Variants in OR5T2 observed in about 807,000 individuals in gnomAD.
OR5T2 encodes the protein olfactory receptor family 5 subfamily T member 2.
Under a neutral mutation model 13.7 loss-of-function variants are expected in OR5T2, and 12 were observed. The observed-to-expected ratio is 0.88, with a 90% CI of 0.56 to 1.42. OR5T2 has a LOEUF of 1.42. OR5T2 is among the 40% of genes most tolerant of loss of function. The pLI is 0.00. For missense variants in OR5T2, 475 were observed against 372.0 expected (o/e 1.28, Z -2.28); for synonymous variants, 146 against 139.5 (o/e 1.05, Z -0.33).
In OR5T2 at chr11:56,232,857, G is replaced by A. The variant is rs137888738; in HGVS notation, c.206C>T (p.Ala69Val). The A allele has an allele frequency of 1.2e-6, 2 of 1,612,146 alleles. No individual in the cohort carries two copies. The highest frequency in any genetic ancestry group is 2.7e-5 in the African/African-American group (2 of 74,850). The stretch of plus-strand genomic sequence containing the variant: ...TGGGGTAATAACTGAGGAATAGCAG[G>A]CATCCACAGAAGACAACATACTCAG... ...YFLSMLSSVD[A>V]CYSSVITPNM... is the part of the protein sequence containing the mutation. Residue 69 changes from alanine (A) to valine (V), a missense_variant, in exon 2 of 2, where the codon GCC (alanine) becomes GTC (valine). Coordinates refer to ENST00000641661, the MANE Select transcript of OR5T2 (RefSeq NM_001004746.4).
In OR5T2 at chr11:56,233,413, G is replaced by A. The variant is rs1853324273; in HGVS notation, c.-202-149C>T. On this transcript the variant is annotated intron_variant, in intron 1 of 1. Coordinates refer to ENST00000641661, the MANE Select transcript of OR5T2 (RefSeq NM_001004746.4). The stretch of plus-strand genomic sequence containing the variant: ...ATATTAAAACACACAAAAATGAGTG[G>A]CTTAAACAATCTTTGGGCATCCAAA... The A allele has an allele frequency of 1.0e-5, 4 of 381,770 alleles. No homozygotes were observed. The South Asian group carries it at 4.1e-4, about 39-fold the overall frequency. 23.6% of individuals were successfully genotyped at this position (381,770 alleles called of 1,614,324 possible).
In OR5T2 at chr11:56,232,914, T is replaced by A. The variant is rs768327239; in HGVS notation, c.149A>T (p.Asp50Val). 46 of 1,612,052 alleles carry A rather than the reference T, an allele frequency of 2.9e-5. No homozygotes were observed. Among genetic ancestry groups the A allele is most frequent in the South Asian group, 2.6e-4 (24 of 90,820 alleles). The change falls in exon 2 of 2, where the codon GAT (aspartate) becomes GTT (valine). Residue 50 changes from aspartate to valine, a missense_variant. Transcript: ENST00000641661. The part of the protein sequence containing the change: ...NLGLILVVIR[D>V]SQLHKPMYYF... Reference sequence around the variant, plus strand: ...GTACATGGGTTTGTGGAGCTGGGAATCCCTAATGACCACTAAAATCAGTCC... The same window carrying A: ...GTACATGGGTTTGTGGAGCTGGGAAACCCTAATGACCACTAAAATCAGTCC...
In OR5T2 at chr11:56,231,421, CAGTT is replaced by C. The variant is rs1853276018; in HGVS notation, c.*681_*684del. 1 of 152,052 alleles carries C rather than the reference CAGTT, an allele frequency of 6.6e-6. No homozygotes were observed. Among genetic ancestry groups the C allele is most frequent in the Admixed American group, 6.6e-5 (1 of 15,260 alleles). The allele number at this position is 152,052 out of a possible 1,614,324, so 9.4% of individuals were successfully genotyped here. A position where few individuals can be genotyped will look rare whatever the true frequency, so the allele number is the denominator to read the frequency against. ...ATCACCAACTGGGTATCCTCTAATT[CAGTT>C]GCAACACTATCTACCCAGAGATAGT... On this transcript the variant is annotated 3_prime_UTR_variant, in exon 2 of 2. Coordinates refer to ENST00000641661, the MANE Select transcript of OR5T2 (RefSeq NM_001004746.4).
In OR5T2 at chr11:56,232,003, A is replaced by T; in HGVS notation, c.*103T>A. 1 of 947,258 alleles carries T rather than the reference A, an allele frequency of 1.1e-6. No individual in the cohort carries two copies. Among genetic ancestry groups the T allele is most frequent in the South Asian group, 2.1e-5 (1 of 48,690 alleles). The allele number at this position is 947,258 out of a possible 1,614,324, so 58.7% of individuals were successfully genotyped here. ...AAAGACTGTAACAAAGGCTATGGGA[A>T]TTATGAGCCAGGAACCCTGGATGGA... On this transcript the variant is annotated 3_prime_UTR_variant, in exon 2 of 2. Coordinates refer to ENST00000641661, the MANE Select transcript of OR5T2 (RefSeq NM_001004746.4).
chr11:56,233,249 G>A lies in OR5T2; in HGVS notation c.-187C>T. The stretch of plus-strand genomic sequence containing the variant: ...AGACAGTGACAAACTGGTCAGCCAT[G>A]TGTTCATGCCACTCACTGCAGAATC... On this transcript the variant is annotated 5_prime_UTR_variant, in exon 2 of 2. Coordinates refer to ENST00000641661, the MANE Select transcript of OR5T2 (RefSeq NM_001004746.4). 1 of 1,345,640 alleles carries A rather than the reference G, an allele frequency of 7.4e-7. No individual in the cohort carries two copies. The highest frequency in any genetic ancestry group is 9.9e-7 in the Non-Finnish European group (1 of 1,009,480). The allele number at this position is 1,345,640 out of a possible 1,614,324, so 83.4% of individuals were successfully genotyped here.
In OR5T2 at chr11:56,232,921, T is replaced by A. The variant is rs2134764486; in HGVS notation, c.142A>T (p.Ile48Phe). 2 of 1,612,242 alleles carry A rather than the reference T, an allele frequency of 1.2e-6. No individual in the cohort carries two copies. The highest frequency in any genetic ancestry group is 4.5e-5 in the East Asian group (2 of 44,870). The change falls in exon 2 of 2, where the codon ATT becomes TTT. Residue 48 changes from isoleucine to phenylalanine, a missense_variant. Ile to Phe is a conservative substitution (Grantham distance 21, BLOSUM62 0). Transcript: ENST00000641661. ...GGTTTGTGGAGCTGGGAATCCCTAA[T>A]GACCACTAAAATCAGTCCTAAATTT... is the stretch of plus-strand genomic sequence containing the variant. ...MGNLGLILVV[I>F]RDSQLHKPMY...
chr11:56,233,430 G>A (rs1853324486), intron 1 of OR5T2, among the ~76,000 whole-genome samples, 166 bp from the exon 2 acceptor site: 1 of 152,052 alleles, frequency 6.6e-6, no homozygotes, highest in East Asian at 1.9e-4. Flanking sequence ...CAATCTTTGG[G>A]CATCCAAATA....
In OR5T2 at chr11:56,232,937, TC is replaced by T; in HGVS notation, c.125del (p.Gly42AspfsTer2). ...AATCCCTAATGACCACTAAAATCAGTCCTAAATTTCCCATGAGAGTGAAGAG... is the reference window on the plus strand; with the variant it reads ...AATCCCTAATGACCACTAAAATCAGTCTAAATTTCCCATGAGAGTGAAGAG... ...IYLFTLMGNL[G>X]LILVVIRDSQ... On this transcript the variant is annotated frameshift_variant, in exon 2 of 2. Transcript: ENST00000641661. LOFTEE classifies it high-confidence loss of function. 1 of 1,611,402 alleles carries T rather than the reference TC, an allele frequency of 6.2e-7. No individual in the cohort carries two copies. Among genetic ancestry groups the T allele is most frequent in the Non-Finnish European group, 8.5e-7 (1 of 1,178,792 alleles).
chr11:56,232,878 C>A lies in OR5T2; in HGVS notation c.185G>T (p.Ser62Ile). 6.2e-7 allele frequency: 1 copy of A among 1,612,026 alleles called. No homozygotes were observed. Among genetic ancestry groups the A allele is most frequent in the Non-Finnish European group, 8.5e-7 (1 of 1,179,080 alleles). Residue 62 changes from serine to isoleucine, a missense_variant, in exon 2 of 2, where the codon AGT (serine) becomes ATT (isoleucine). Ser to Ile is a moderately radical substitution (Grantham distance 142, BLOSUM62 -2). Transcript: ENST00000641661. Reference protein sequence around the residue: ...QLHKPMYYFLSMLSSVDACYS... With the variant: ...QLHKPMYYFLIMLSSVDACYS... ...GCAGGCATCCACAGAAGACAACATACTCAGAAAATAGTACATGGGTTTGTG... is the reference window on the plus strand; with the variant it reads ...GCAGGCATCCACAGAAGACAACATAATCAGAAAATAGTACATGGGTTTGTG...
Position 56,232,952 on chromosome 11 carries a change from G to A in OR5T2, c.111C>T (p.Leu37=), listed in dbSNP as rs775999147. Residue 37 remains leucine (L), a synonymous_variant, in exon 2 of 2, where the codon CTC becomes CTT. Transcript: ENST00000641661. ...CTAAAATCAGTCCTAAATTTCCCAT[G>A]AGAGTGAAGAGGTAGATTGCTAGAA... ...FLFLAIYLFT[L]MGNLGLILVV... 1 of 1,610,944 alleles carries A rather than the reference G, an allele frequency of 6.2e-7. No homozygotes were observed.
chr11:56,231,529 C>T lies in OR5T2; in HGVS notation c.*577G>A, dbSNP rs1427194217. On this transcript the variant is annotated 3_prime_UTR_variant, in exon 2 of 2. Coordinates refer to ENST00000641661, the MANE Select transcript of OR5T2 (RefSeq NM_001004746.4). ...CAGTCACAAATTCGGGTCTCTGAAACTTTGACCAACCTGCTTCAAGTTGGA... is the reference window on the plus strand; with the variant it reads ...CAGTCACAAATTCGGGTCTCTGAAATTTTGACCAACCTGCTTCAAGTTGGA... 1 of 152,186 alleles carries T rather than the reference C, an allele frequency of 6.6e-6. No individual in the cohort carries two copies. Among genetic ancestry groups the T allele is most frequent in the East Asian group, 1.9e-4 (1 of 5,180 alleles). 9.4% of individuals were successfully genotyped at this position (152,186 alleles called of 1,614,324 possible).
intron 1 of OR5T2, among the ~76,000 whole-genome samples, chr11:56,233,545 A>T (rs1356744928): frequency 2.6e-5 from 4 of 152,118 alleles, no homozygotes; most frequent in Non-Finnish European, 5.9e-5. Flanking sequence ...TGTCTATAGA[A>T]TGAGAACATT....
chr11:56,232,222 G>T lies in OR5T2; in HGVS notation c.841C>A (p.Pro281Thr). The T allele has an allele frequency of 6.2e-7, 1 of 1,613,224 alleles. No homozygotes were observed. The highest frequency in any genetic ancestry group is 8.5e-7 in the Non-Finnish European group (1 of 1,179,608). ...CTGTAGATGACGGGATTCAGCAAGGGAATCACAATGGTGTAAAATATTGAC... is the reference window on the plus strand; with the variant it reads ...CTGTAGATGACGGGATTCAGCAAGGTAATCACAATGGTGTAAAATATTGAC... ...IVSIFYTIVI[P>T]LLNPVIYSLR... is the part of the protein sequence containing the mutation. Residue 281 changes from proline to threonine, a missense_variant, in exon 2 of 2, where the codon CCC (proline) becomes ACC (threonine). Pro to Thr is a conservative substitution (Grantham distance 38). Coordinates refer to ENST00000641661, the MANE Select transcript of OR5T2 (RefSeq NM_001004746.4).
At position 56,232,372 on chromosome 11, in the gene OR5T2, C is replaced by T; in HGVS notation, c.691G>A (p.Gly231Arg). ...CATGTGGAGAAGACTTTTCTCCTCC[C>T]TTCAGCAGAATACATCTTCAGAATG... The part of the protein sequence containing the change: ...LAILKMYSAE[G>R]RRKVFSTCGA... Residue 231 changes from glycine to arginine, a missense_variant, in exon 2 of 2, where the codon GGG becomes AGG. Physicochemically the swap from Gly to Arg is moderately radical, Grantham distance 125. Coordinates refer to ENST00000641661, the MANE Select transcript of OR5T2 (RefSeq NM_001004746.4). The T allele has an allele frequency of 6.2e-7, 1 of 1,609,760 alleles. No homozygotes were observed. Among genetic ancestry groups the T allele is most frequent in the East Asian group, 2.2e-5 (1 of 44,862 alleles).
At position 56,231,717 on chromosome 11, in the gene OR5T2, C is replaced by T. The variant is rs140049477; in HGVS notation, c.*389G>A. Reference sequence around the variant, plus strand: ...AAGGGGTGCAGAGTTTCCATGCCCTCCCTGACCATGCCACCCTCTAGGAAC... The same window carrying T: ...AAGGGGTGCAGAGTTTCCATGCCCTTCCTGACCATGCCACCCTCTAGGAAC... On this transcript the variant is annotated 3_prime_UTR_variant, in exon 2 of 2. Transcript: ENST00000641661. 110 of 164,856 alleles carry T rather than the reference C, an allele frequency of 6.7e-4. No homozygotes were observed. The highest frequency in any genetic ancestry group is 2.4e-3 in the African/African-American group (100 of 42,018). The allele number at this position is 164,856 out of a possible 1,614,324, so 10.2% of individuals were successfully genotyped here.
rs375376470 is a variant in OR5T2 at position 56,233,052 on chromosome 11, A to G, written c.11T>C (p.Val4Ala). The change falls in exon 2 of 2, where the codon GTC (valine) becomes GCC (alanine). Residue 4 changes from valine (V) to alanine (A), a missense_variant. By Grantham distance (64) the Val-to-Ala change is moderately conservative (BLOSUM62 0). Transcript: ENST00000641661. MKN[V>A]TEVTLFVLKG... ...CAGTACAAATAAGGTAACTTCAGTG[A>G]CATTCTTCATGTTGAAATCTAGAAC... 8.7e-5 allele frequency: 139 copies of G among 1,606,692 alleles called. No individual in the cohort carries two copies. Among genetic ancestry groups the G allele is most frequent in the Non-Finnish European group, 1.1e-4 (134 of 1,174,292 alleles).
At chr11:56,233,292 G>A (rs960311411) in intron 1 of OR5T2, 28 bp from the exon 2 acceptor site, 5 of 856,212 alleles carry the variant, frequency 5.8e-6, no homozygotes, top group East Asian at 2.8e-5. Context: ...AGAAATGGAC[G>A]TTCATTAGTT....
In OR5T2 at chr11:56,233,054, A is replaced by G; in HGVS notation, c.9T>C (p.Asn3=). Residue 3 remains asparagine, a synonymous_variant, in exon 2 of 2, where the codon AAT becomes AAC. Transcript: ENST00000641661. The part of the protein sequence containing the change: MK[N]VTEVTLFVLK... ...GTACAAATAAGGTAACTTCAGTGACATTCTTCATGTTGAAATCTAGAACAA... is the reference window on the plus strand; with the variant it reads ...GTACAAATAAGGTAACTTCAGTGACGTTCTTCATGTTGAAATCTAGAACAA... 3 of 1,606,826 alleles carry G rather than the reference A, an allele frequency of 1.9e-6. No individual in the cohort carries two copies. Among genetic ancestry groups the G allele is most frequent in the South Asian group, 2.2e-5 (2 of 90,804 alleles).
At chr11:56,233,449 A>G (rs1000334622) in intron 1 of OR5T2, among the ~76,000 whole-genome samples, 185 bp from the exon 2 acceptor site, 1 of 152,156 alleles carries the variant, frequency 6.6e-6, no homozygotes, top group Non-Finnish European at 1.5e-5. Context: ...TACACAAGAG[A>G]CTGTATCAGG....
Sources: gnomAD v4.1 joint callset for allele counts (sites outside exome capture counted in the v4.1 genomes callset) on GRCh38, gnomAD v4.1.1 for gene constraint, MANE v1.5 for transcripts, NCBI Gene and HGNC (gene_info 2026-07-23, HGNC 2026-07-21) for gene names.